Variants in CCDC178 observed in about 807,000 individuals in gnomAD.
CCDC178 encodes coiled-coil domain-containing protein 178.
CCDC178 carries 126 observed loss-of-function variants against 117.4 expected under a neutral mutation model. That is an observed-to-expected ratio of 1.07 (90% confidence interval 0.93 to 1.24). CCDC178 has a LOEUF of 1.24. Ranked by LOEUF, CCDC178 falls within the 50% of genes most tolerant of loss-of-function variation. The pLI is 0.00. For missense variants in CCDC178, 1,030 were observed against 986.9 expected (o/e 1.04, Z -0.59); for synonymous variants, 283 against 313.4 (o/e 0.90, Z 1.02).
intron 21 of CCDC178, among the ~76,000 whole-genome samples, chr18:33,043,162 T>G (rs1051724416): frequency 2.0e-5 from 3 of 152,032 alleles, no homozygotes; most frequent in Non-Finnish European, 2.9e-5. Context: ...AATCTTGTTT[T>G]AAAATACGAC....
chr18:33,087,966 T>C (rs1378962390), intron 21 of CCDC178, among the ~76,000 whole-genome samples: 1 of 152,178 alleles, frequency 6.6e-6, no homozygotes, highest in East Asian at 1.9e-4. Flanking sequence ...CTATAGATGA[T>C]ACAATTCTTT....
intron 22 of CCDC178, among the ~76,000 whole-genome samples, chr18:32,972,399 C>T (rs2144689387): frequency 6.6e-6 from 1 of 152,186 alleles, no homozygotes; most frequent in African/African-American, 2.4e-5. Flanking sequence ...GGTACCAGTA[C>T]CATGCTGCTT....
intron 11 of CCDC178, among the ~76,000 whole-genome samples, chr18:33,306,501 A>G (rs2062253793): frequency 1.1e-5 from 1 of 94,208 alleles, no homozygotes; most frequent in Non-Finnish European, 2.3e-5. Context: ...TTATATATAT[A>G]TGGTTATATA....
intron 11 of CCDC178, among the ~76,000 whole-genome samples, chr18:33,304,383 C>A (rs2062220753): frequency 6.6e-6 from 1 of 152,184 alleles, no homozygotes; most frequent in Non-Finnish European, 1.5e-5. Flanking sequence ...CTCCATAGAG[C>A]ATCTCAATAC....
chr18:33,001,779 T>C (rs923900347), intron 21 of CCDC178, among the ~76,000 whole-genome samples: 1 of 152,112 alleles, frequency 6.6e-6, no homozygotes, highest in African/African-American at 2.4e-5. Flanking sequence ...GAGTGTCTGT[T>C]GCCTACAAGA....
Position 33,281,967 on chromosome 18 carries a change from C to G in CCDC178, c.1176+11192G>C, listed in dbSNP as rs117694067. 3.2e-3 allele frequency among the ~76,000 whole-genome samples: 488 copies of G among 152,250 alleles called. 3 individuals carry two copies. The highest frequency in any genetic ancestry group is 5.1e-3 in the Non-Finnish European group (350 of 68,016). ...AGAGGGCAAGATGGCCAACTAGGTG[C>G]AGATAAGTGGAACAGCTCCCATGGA... On this transcript the variant is annotated intron_variant, in intron 12 of 22. Coordinates refer to ENST00000383096, the MANE Select transcript of CCDC178 (RefSeq NM_001105528.4).
intron 2 of CCDC178, among the ~76,000 whole-genome samples, chr18:33,430,848 G>A (rs1444441391): frequency 5.3e-5 from 8 of 151,956 alleles, no homozygotes; most frequent in Admixed American, 1.3e-4. Context: ...CGAGGTGGGC[G>A]GATCACAAGG....
chr18:33,019,011 T>A (rs1034135889), intron 21 of CCDC178, among the ~76,000 whole-genome samples: 1 of 152,138 alleles, frequency 6.6e-6, no homozygotes, highest in African/African-American at 2.4e-5. Flanking sequence ...ATCTTGTTCA[T>A]ATAGAGGTTC....
chr18:33,271,619 T>C (rs2059891379), intron 12 of CCDC178, among the ~76,000 whole-genome samples: 1 of 151,278 alleles, frequency 6.6e-6, no homozygotes, highest in African/African-American at 2.4e-5. Flanking sequence ...TCAAGATACA[T>C]GAAACAAAAA....
At chr18:33,158,611 A>G (rs2058428111) in intron 20 of CCDC178, among the ~76,000 whole-genome samples, 1 of 152,108 alleles carries the variant, frequency 6.6e-6, no homozygotes, top group Non-Finnish European at 1.5e-5. Context: ...TACTATAAAC[A>G]TTCACAGAAT....
At chr18:33,330,683 C>G (rs1253988033) in intron 10 of CCDC178, among the ~76,000 whole-genome samples, 2 of 151,984 alleles carry the variant, frequency 1.3e-5, no homozygotes, top group Non-Finnish European at 2.9e-5. Context: ...TTTGGAGGTA[C>G]AAGTCCAAAA....
chr18:33,115,132 C>T (rs1280070301), intron 20 of CCDC178, among the ~76,000 whole-genome samples: 7 of 152,026 alleles, frequency 4.6e-5, no homozygotes, highest in African/African-American at 1.4e-4. Flanking sequence ...TTCTTCCTTG[C>T]TTGGTTCTTT....
chr18:33,172,666 T>A (rs988700165), intron 20 of CCDC178, among the ~76,000 whole-genome samples: 12 of 152,138 alleles, frequency 7.9e-5, no homozygotes, highest in Admixed American at 7.9e-4. Context: ...TTTATTTTTA[T>A]TATGCTTATC....
At chr18:33,164,129 CAG>C (rs2058499535) in intron 20 of CCDC178, among the ~76,000 whole-genome samples, 1 of 108,930 alleles carries the variant, frequency 9.2e-6, no homozygotes, top group Non-Finnish European at 1.8e-5. Flanking sequence ...TTTTTTTAAA[CAG>C]AGTTTCGCTC....
chr18:33,089,194 T>G (rs1314565874), intron 21 of CCDC178, among the ~76,000 whole-genome samples: 1 of 152,086 alleles, frequency 6.6e-6, no homozygotes, highest in Non-Finnish European at 1.5e-5. Context: ...CATATATAAT[T>G]TACATGTTTT....
chr18:33,176,677 T>G (rs1466587568), intron 20 of CCDC178, among the ~76,000 whole-genome samples: 1 of 152,190 alleles, frequency 6.6e-6, no homozygotes, highest in Non-Finnish European at 1.5e-5. Context: ...CCTCCTTAGA[T>G]ACCAACTCTA....
At chr18:33,424,135 A>G (rs1240310509) in intron 2 of CCDC178, among the ~76,000 whole-genome samples, 1 of 152,054 alleles carries the variant, frequency 6.6e-6, no homozygotes, top group Non-Finnish European at 1.5e-5. Context: ...TCTTCCAGTA[A>G]TTATAAAGAT....
intron 4 of CCDC178, among the ~76,000 whole-genome samples, chr18:33,396,786 C>G (rs76148479): frequency 6.6e-6 from 1 of 152,000 alleles, no homozygotes; most frequent in Non-Finnish European, 1.5e-5. Flanking sequence ...AAGAATTGTT[C>G]AGGAGAGTAC....
chr18:33,263,372 T>C (rs1206506333), intron 14 of CCDC178, among the ~76,000 whole-genome samples: 2 of 152,166 alleles, frequency 1.3e-5, no homozygotes, highest in Admixed American at 1.3e-4. Flanking sequence ...TTACAACAAG[T>C]AGTTAAAAAT....
Sources: gnomAD v4.1 joint callset for allele counts (sites outside exome capture counted in the v4.1 genomes callset) on GRCh38, gnomAD v4.1.1 for gene constraint, MANE v1.5 for transcripts, NCBI Gene and HGNC (gene_info 2026-07-23, HGNC 2026-07-21) for gene names.